ZNF441: variants seen among roughly 807,000 people sequenced by gnomAD.
ZNF441 encodes zinc finger protein 441.
Under a neutral mutation model 64.5 loss-of-function variants are expected in ZNF441, and 25 were observed. The ratio of observed to expected loss-of-function variants is 0.39; its 90% CI spans 0.28 to 0.54. The LOEUF is 0.54. Ranked by LOEUF, ZNF441 falls within the 20% of genes least tolerant of loss-of-function variation. ZNF441 has a pLI of 0.70. For synonymous variants in ZNF441, 262 were observed against 268.0 expected, an observed-to-expected ratio of 0.98 and a Z score of 0.22; for missense variants, 715 against 843.3, an observed-to-expected ratio of 0.85 and a Z score of 1.88.
In ZNF441 at chr19:11,780,768, A is replaced by G; in HGVS notation, c.944A>G (p.Lys315Arg). 1 of 1,614,198 alleles carries G rather than the reference A, an allele frequency of 6.2e-7. No individual in the cohort carries two copies. Among genetic ancestry groups the G allele is most frequent in the Non-Finnish European group, 8.5e-7 (1 of 1,180,040 alleles). Residue 315 changes from lysine (K) to arginine (R), a missense_variant, in exon 4 of 4, where the codon AAA (lysine) becomes AGA (arginine). Physicochemically the swap from Lys to Arg is conservative, Grantham distance 26. Transcript: ENST00000357901. ...DGPHKCKICG[K>R]GFLSPSSVRR... Reference sequence around the variant, plus strand: ...CCTCATAAATGTAAGATATGTGGAAAAGGCTTTCTTTCTCCCAGTTCAGTT... The same window carrying G: ...CCTCATAAATGTAAGATATGTGGAAGAGGCTTTCTTTCTCCCAGTTCAGTT...
In ZNF441 at chr19:11,780,466, TAGA is replaced by T. The variant is rs1313043616; in HGVS notation, c.647_649del (p.Arg216del). ...TTTGGCCTAGTTTATTTCATATGCT[TAGA>T]AGAACTCACACTGAAGAGAAACCAT... On this transcript the variant is annotated inframe_deletion, in exon 4 of 4. Transcript: ENST00000357901. 6.2e-7 allele frequency: 1 copy of T among 1,614,168 alleles called. No individual in the cohort carries two copies. The highest frequency in any genetic ancestry group is 1.3e-5 in the African/African-American group (1 of 75,028).
chr19:11,780,336 G>A lies in ZNF441; in HGVS notation c.512G>A (p.Cys171Tyr). The part of the protein sequence containing the change: ...RPQHGKKLYD[C>Y]KECASFSSLE... ...CAGCATGGAAAGAAACTCTATGATT[G>A]TAAGGAATGTGCAAGCTTCAGTTCT... The change falls in exon 4 of 4, where the codon TGT (cysteine) becomes TAT (tyrosine). Residue 171 changes from cysteine to tyrosine, a missense_variant. Physicochemically the swap from Cys to Tyr is radical, Grantham distance 194 (BLOSUM62 -2). Coordinates refer to ENST00000357901, the MANE Select transcript of ZNF441 (RefSeq NM_152355.3). The A allele has an allele frequency of 6.2e-7, 1 of 1,614,168 alleles. No homozygotes were observed. The highest frequency in any genetic ancestry group is 8.5e-7 in the Non-Finnish European group (1 of 1,180,042).
chr19:11,771,186 G>A (rs1448591873), intron 1 of ZNF441, among the ~76,000 whole-genome samples: 4 of 143,582 alleles, frequency 2.8e-5, no homozygotes, highest in Admixed American at 2.7e-4. Context: ...TAACTCAGAA[G>A]AAAGGGGGGT....
Position 11,777,622 on chromosome 19 carries a change from A to C in ZNF441, c.15A>C (p.Ala5=). The part of the protein sequence containing the change: MDSV[A]FEDVAINFTC... ...GTGAAATATTTCAGGACTCAGTGGC[A>C]TTTGAGGATGTGGCTATAAACTTCA... The change falls in exon 2 of 4, where the codon GCA becomes GCC. Residue 5 remains alanine, a synonymous_variant. Transcript: ENST00000357901. 2.5e-6 allele frequency: 4 copies of C among 1,612,972 alleles called. No homozygotes were observed. The highest frequency in any genetic ancestry group is 3.4e-6 in the Non-Finnish European group (4 of 1,179,386).
chr19:11,769,385 T>A (rs2145076712), intron 1 of ZNF441, among the ~76,000 whole-genome samples: 2 of 152,328 alleles, frequency 1.3e-5, no homozygotes, highest in Middle Eastern at 3.4e-3. Context: ...ATACCTGCTG[T>A]GTCATAGGTT....
intron 1 of ZNF441, among the ~76,000 whole-genome samples, chr19:11,768,920 G>A (rs1438457355): frequency 6.6e-6 from 1 of 152,224 alleles, no homozygotes; most frequent in African/African-American, 2.4e-5. Flanking sequence ...CAACTCCACT[G>A]AGGTGGTGCA....
Position 11,780,866 on chromosome 19 carries a change from T to G in ZNF441, c.1042T>G (p.Cys348Gly), listed in dbSNP as rs1415739265. The change falls in exon 4 of 4, where the codon TGC becomes GGC. Residue 348 changes from cysteine (C) to glycine (G), a missense_variant. Physicochemically the swap from Cys to Gly is radical, Grantham distance 159. Transcript: ENST00000357901. ...CKYCGKAFSDCTGFRRHMITH... is the reference protein window; with the variant it reads ...CKYCGKAFSDGTGFRRHMITH... ...GTATTGTGGGAAAGCATTCTCTGAT[T>G]GCACAGGTTTTCGAAGACACATGAT... The G allele has an allele frequency of 6.2e-7, 1 of 1,613,824 alleles. No homozygotes were observed. The highest frequency in any genetic ancestry group is 1.1e-5 in the South Asian group (1 of 91,070).
intron 1 of ZNF441, among the ~76,000 whole-genome samples, chr19:11,769,758 C>T (rs1266259080): frequency 6.6e-6 from 1 of 152,080 alleles, no homozygotes; most frequent in Non-Finnish European, 1.5e-5. Context: ...TCACTGCAAC[C>T]TCCGCCTCCT....
intron 1 of ZNF441, among the ~76,000 whole-genome samples, chr19:11,774,707 A>G (rs1277018322): frequency 6.6e-6 from 1 of 152,220 alleles, no homozygotes; most frequent in Non-Finnish European, 1.5e-5. Flanking sequence ...CTCATTGAAC[A>G]TATTTAAGAC....
At chr19:11,778,665 C>T (rs1975372907) in intron 3 of ZNF441, among the ~76,000 whole-genome samples, 1 of 152,136 alleles carries the variant, frequency 6.6e-6, no homozygotes, top group South Asian at 2.1e-4. Flanking sequence ...CTGTGTTTGA[C>T]CAGACTCATC....
intron 1 of ZNF441, among the ~76,000 whole-genome samples, chr19:11,772,637 C>G (rs1205209277): frequency 2.0e-5 from 3 of 152,128 alleles, no homozygotes; most frequent in Non-Finnish European, 4.4e-5. Context: ...TTTGGGAGAC[C>G]AAGATTGGCA....
Position 11,767,429 on chromosome 19 carries a change from TC to T in ZNF441, c.3+235del, listed in dbSNP as rs1251801937. On this transcript the variant is annotated intron_variant, in intron 1 of 3. Transcript: ENST00000357901. This position sits in a 1 kb window ranked among gnomAD's most constrained non-coding sequence, Gnocchi z 5.1. The stretch of plus-strand genomic sequence containing the variant: ...GGCCCTGGAGGCCTGTCTGGGCAGC[TC>T]CGCGCCCGCAGTCCTGCGTCTCCCC... Among the ~76,000 whole-genome samples, 4 of 152,214 alleles carry T rather than the reference TC, an allele frequency of 2.6e-5. No individual in the cohort carries two copies. Among genetic ancestry groups the T allele is most frequent in the Non-Finnish European group, 5.9e-5 (4 of 68,044 alleles).
intron 3 of ZNF441, 102 bp downstream of exon 3, chr19:11,778,495 G>T (rs376383133): frequency 3.5e-5 from 33 of 946,292 alleles, no homozygotes; most frequent in East Asian, 2.9e-4. Context: ...GTCTCACTTT[G>T]TTGCTCAGGC....
Position 11,774,858 on chromosome 19 carries a change from C to T in ZNF441, c.4-2753C>T, listed in dbSNP as rs138183487. Reference sequence around the variant, plus strand: ...TTTATGGATTTTTTGTGTTGTAAAGCAGACATTTGAATGTTATAATCTGGA... The same window carrying T: ...TTTATGGATTTTTTGTGTTGTAAAGTAGACATTTGAATGTTATAATCTGGA... On this transcript the variant is annotated intron_variant, in intron 1 of 3. Transcript: ENST00000357901. 8.4e-3 allele frequency among the ~76,000 whole-genome samples: 1,277 copies of T among 152,248 alleles called. 20 individuals are homozygous for T. The highest frequency in any genetic ancestry group is 0.03 in the African/African-American group (1,226 of 41,534).
In ZNF441 at chr19:11,781,583, C is replaced by A. The variant is rs372673223; in HGVS notation, c.1759C>A (p.His587Asn). Residue 587 changes from histidine (H) to asparagine (N), a missense_variant, in exon 4 of 4, where the codon CAT (histidine) becomes AAT (asparagine). Physicochemically the swap from His to Asn is moderately conservative, Grantham distance 68. Coordinates refer to ENST00000357901, the MANE Select transcript of ZNF441 (RefSeq NM_152355.3). The stretch of plus-strand genomic sequence containing the variant: ...GATAACACATACTGGAAATGGACCT[C>A]ATAAATGTAAGATATGTGGGAAAGG... The part of the protein sequence containing the change: ...HMITHTGNGP[H>N]KCKICGKGFD... 1.9e-6 allele frequency: 3 copies of A among 1,613,840 alleles called. No individual in the cohort carries two copies. The highest frequency in any genetic ancestry group is 2.5e-6 in the Non-Finnish European group (3 of 1,179,938).
At position 11,781,686 on chromosome 19, in the gene ZNF441, G is replaced by A; in HGVS notation, c.1862G>A (p.Gly621Asp). The change falls in exon 4 of 4, where the codon GGT becomes GAT. Residue 621 changes from glycine to aspartate, a missense_variant. Physicochemically the swap from Gly to Asp is moderately conservative, Grantham distance 94 (BLOSUM62 -1). This residue lies in a region of ZNF441 where 316 missense variants were observed against 429.3 expected (regional missense o/e 0.74). Coordinates refer to ENST00000357901, the MANE Select transcript of ZNF441 (RefSeq NM_152355.3). ...GEKPYECKEC[G>D]KAFSHSSYLR... ...AAACCCTATGAATGCAAGGAATGTG[G>A]TAAAGCCTTCAGTCATTCAAGTTAC... The A allele has an allele frequency of 6.2e-7, 1 of 1,614,118 alleles. No homozygotes were observed. The highest frequency in any genetic ancestry group is 1.1e-5 in the South Asian group (1 of 91,078).
rs140091494 is a variant in ZNF441, at chr19:11,780,671, A to G, written c.847A>G (p.Lys283Glu). Residue 283 changes from lysine (K) to glutamate (E), a missense_variant, in exon 4 of 4, where the codon AAG (lysine) becomes GAG (glutamate). Lys to Glu is a moderately conservative substitution (Grantham distance 56). Coordinates refer to ENST00000357901, the MANE Select transcript of ZNF441 (RefSeq NM_152355.3). ...THTGEQSYEC[K>E]QCGKAFYHLG... ...CACTGGAGAACAATCCTATGAATGT[A>G]AGCAATGTGGGAAAGCATTTTATCA... 107 of 1,614,144 alleles carry G rather than the reference A, an allele frequency of 6.6e-5. No individual in the cohort carries two copies. In the African/African-American group the frequency reaches 1.2e-3, roughly 19 times the overall value.
At chr19:11,770,482 A>G (rs1037711320) in intron 1 of ZNF441, among the ~76,000 whole-genome samples, 1 of 152,172 alleles carries the variant, frequency 6.6e-6, no homozygotes, top group Non-Finnish European at 1.5e-5. Context: ...TCTGAAAGAG[A>G]TTATAGAGAA....
intron 1 of ZNF441, among the ~76,000 whole-genome samples, chr19:11,770,746 T>G (rs550157648): frequency 1.6e-4 from 25 of 152,134 alleles, no homozygotes; most frequent in South Asian, 4.2e-4. Context: ...TGCCACCCCA[T>G]CCTGCTAATT....
Sources: gnomAD v4.1 joint callset for allele counts (sites outside exome capture counted in the v4.1 genomes callset) on GRCh38, gnomAD v4.1.1 for gene constraint, gnomAD v4.1.1 regional missense constraint, Gnocchi (gnomAD v3.1) non-coding constraint, MANE v1.5 for transcripts, NCBI Gene and HGNC (gene_info 2026-07-23, HGNC 2026-07-21) for gene names.